ACOXL: variants seen among roughly 807,000 people sequenced by gnomAD.
ACOXL encodes the protein acyl-coenzyme A oxidase-like protein.
ACOXL carries 70 observed loss-of-function variants against 71.9 expected under a neutral mutation model. That is an observed-to-expected ratio of 0.97 (90% CI 0.80 to 1.19). The LOEUF (loss-of-function observed/expected upper bound fraction) is 1.19, where lower values mean the gene tolerates loss of function less well. ACOXL is among the 50% of genes most tolerant of loss of function. ACOXL has a pLI of 0.00. For synonymous variants in ACOXL, 253 were observed against 281.6 expected, an observed-to-expected ratio of 0.90 and a Z score of 1.02; for missense variants, 703 against 736.3, an observed-to-expected ratio of 0.95 and a Z score of 0.52.
intron 16 of ACOXL, among the ~76,000 whole-genome samples, chr2:111,054,455 G>A (rs374169672): frequency 1.3e-5 from 2 of 152,282 alleles, no homozygotes; most frequent in South Asian, 2.1e-4. Context: ...CATCAGGGTC[G>A]GTGGGTACAG....
intron 12 of ACOXL, among the ~76,000 whole-genome samples, chr2:110,945,759 T>C (rs1351055572): frequency 6.6e-6 from 1 of 152,230 alleles, no homozygotes. Flanking sequence ...TGTAGTATCA[T>C]TTGAAGTTAA....
intron 17 of ACOXL, among the ~76,000 whole-genome samples, chr2:111,097,782 G>C (rs1443408240): frequency 6.6e-6 from 1 of 152,182 alleles, no homozygotes; most frequent in Admixed American, 6.5e-5. Context: ...TAGTAATTAA[G>C]CCCAAGTCCA....
chr2:110,783,154 G>C (rs924781595), intron 2 of ACOXL, among the ~76,000 whole-genome samples: 1 of 152,180 alleles, frequency 6.6e-6, no homozygotes, highest in Admixed American at 6.5e-5. Flanking sequence ...ACCTCCCTGA[G>C]CCTGGGATTT....
chr2:110,762,219 A>G (rs1370168285), intron 1 of ACOXL, among the ~76,000 whole-genome samples: 1 of 152,072 alleles, frequency 6.6e-6, no homozygotes, highest in Non-Finnish European at 1.5e-5. Flanking sequence ...TTAGCTTTCA[A>G]CTTGCTTATG....
intron 11 of ACOXL, among the ~76,000 whole-genome samples, chr2:110,910,631 T>C (rs2059619032): frequency 6.6e-6 from 1 of 152,204 alleles, no homozygotes; most frequent in Non-Finnish European, 1.5e-5. Flanking sequence ...TCTTTCTTAA[T>C]CATATTCACA....
chr2:110,914,590 T>C (rs1363309249), intron 11 of ACOXL, among the ~76,000 whole-genome samples: 2 of 152,246 alleles, frequency 1.3e-5, no homozygotes, highest in African/African-American at 2.4e-5. Flanking sequence ...ATTTTCTACC[T>C]GCACAATAAA....
rs999468796 is a variant in ACOXL, at chr2:110,855,361, C to T, written c.788+13956C>T. 3.9e-5 allele frequency among the ~76,000 whole-genome samples: 6 copies of T among 152,136 alleles called. No homozygotes were observed. The South Asian group carries it at 1.2e-3, about 32-fold the overall frequency. On this transcript the variant is annotated intron_variant, in intron 10 of 17. Transcript: ENST00000439055. ...TTTTAGAGATAAGGGCACTAATGCT[C>T]AGAGAGGTTGAGGAGTTTGTCCGAG...
intron 16 of ACOXL, among the ~76,000 whole-genome samples, chr2:111,049,728 C>T (rs1161324736): frequency 2.6e-5 from 4 of 152,148 alleles, no homozygotes; most frequent in African/African-American, 7.2e-5. Context: ...TGTTCATATT[C>T]ACCACCAGAA....
intron 15 of ACOXL, among the ~76,000 whole-genome samples, chr2:111,038,657 C>T (rs1030591885): frequency 1.3e-5 from 2 of 152,130 alleles, no homozygotes; most frequent in Non-Finnish European, 2.9e-5. Context: ...AGAATAAGAC[C>T]TTCCAAACGG....
At chr2:110,886,894 T>A in intron 10 of ACOXL, 1 of 1,544,920 alleles carries the variant, frequency 6.5e-7, no homozygotes, top group Non-Finnish European at 8.7e-7. Flanking sequence ...TTCTTACGCT[T>A]GCTCGTGAAA....
rs759740713 is a variant in ACOXL, at chr2:111,092,909, C to T, written c.1485C>T (p.Ala495=). The T allele has an allele frequency of 1.4e-5, 22 of 1,613,884 alleles. No individual in the cohort carries two copies. Among genetic ancestry groups the T allele is most frequent in the Non-Finnish European group, 1.9e-5 (22 of 1,180,000 alleles). The change falls in exon 17 of 18, where the codon GCC becomes GCT. Residue 495 remains alanine (A), a synonymous_variant. Coordinates refer to ENST00000439055, the MANE Select transcript of ACOXL (RefSeq NM_001142807.4). The stretch of plus-strand genomic sequence containing the variant: ...CCAAGCTGGTGTTTCAGGAGCGGGC[C>T]TGGTATTTAGAACATAAATACTTGA... ...YGTKLVFQER[A]WYLEHKYLTP...
intron 10 of ACOXL, among the ~76,000 whole-genome samples, chr2:110,904,271 T>A (rs2059357049): frequency 6.6e-6 from 1 of 152,218 alleles, no homozygotes; most frequent in Non-Finnish European, 1.5e-5. Context: ...TTTCATTTCA[T>A]CTTCTATCCC....
intron 11 of ACOXL, among the ~76,000 whole-genome samples, chr2:110,919,108 G>A (rs993473345): frequency 2.0e-5 from 3 of 151,844 alleles, no homozygotes; most frequent in Non-Finnish European, 4.4e-5. Flanking sequence ...GCACAGGTAG[G>A]TATGTTTGTT....
intron 12 of ACOXL, among the ~76,000 whole-genome samples, chr2:110,967,115 C>A (rs1377993353): frequency 6.6e-6 from 1 of 152,136 alleles, no homozygotes; most frequent in Non-Finnish European, 1.5e-5. Context: ...AAAGTACCCA[C>A]TATAAAAGTG....
chr2:110,956,849 T>C (rs17041635), intron 12 of ACOXL, among the ~76,000 whole-genome samples: 2,493 of 152,294 alleles, frequency 0.016, 79 homozygotes, highest in African/African-American at 0.056. Flanking sequence ...GTTTGGATCA[T>C]AAAATATGTT....
intron 9 of ACOXL, among the ~76,000 whole-genome samples, chr2:110,813,922 G>T (rs975683282): frequency 6.6e-6 from 1 of 152,192 alleles, no homozygotes. Context: ...GATGTAGGAA[G>T]ATGTAACAGT....
In ACOXL at chr2:111,117,682, C is replaced by T; in HGVS notation, c.1609C>T (p.His537Tyr). 1.9e-6 allele frequency: 3 copies of T among 1,551,782 alleles called. No individual in the cohort carries two copies. Among genetic ancestry groups the T allele is most frequent in the East Asian group, 2.4e-5 (1 of 40,920 alleles). Residue 537 changes from histidine to tyrosine, a missense_variant, in exon 18 of 18, where the codon CAC becomes TAC. Transcript: ENST00000439055. ...GGTGATCTCGACCTTTAACATTCCACACACCTACCTCCACGCACCAATCGC... is the reference window on the plus strand; with the variant it reads ...GGTGATCTCGACCTTTAACATTCCATACACCTACCTCCACGCACCAATCGC... ...RRVISTFNIP[H>Y]TYLHAPIAGI... is the part of the protein sequence containing the mutation.
At chr2:110,851,428 G>C (rs1285276231) in intron 10 of ACOXL, among the ~76,000 whole-genome samples, 1 of 152,170 alleles carries the variant, frequency 6.6e-6, no homozygotes, top group Non-Finnish European at 1.5e-5. Context: ...ACGTGCCCAG[G>C]GTGAGGCCTT....
intron 17 of ACOXL, chr2:111,101,836 C>T (rs569332651): frequency 1.3e-5 from 2 of 152,744 alleles, no homozygotes; most frequent in African/African-American, 4.8e-5. Context: ...GGGACAGCCC[C>T]TGGCTGTGGT....
Sources: allele counts gnomAD v4.1 joint callset (sites outside exome capture counted in the v4.1 genomes callset), GRCh38; gene constraint gnomAD v4.1.1; transcripts MANE v1.5; gene names NCBI Gene and HGNC (gene_info 2026-07-23, HGNC 2026-07-21).